Variants in STXBP3 observed in about 807,000 individuals in gnomAD.
The protein encoded by STXBP3 is syntaxin-binding protein 3.
Under a neutral mutation model 85.7 loss-of-function variants are expected in STXBP3, and 41 were observed. The observed-to-expected ratio is 0.48, with a 90% CI of 0.37 to 0.62. The LOEUF is 0.62. Ranked by LOEUF, STXBP3 falls within the 20% of genes least tolerant of loss-of-function variation. The probability of loss-of-function intolerance (pLI) is 0.00; values close to 1 mark genes in which losing one functional copy is unlikely to be tolerated. For missense variants in STXBP3, 563 were observed against 703.1 expected, an observed-to-expected ratio of 0.80 and a Z score of 2.25; for synonymous variants, 229 against 231.7, an observed-to-expected ratio of 0.99 and a Z score of 0.10.
intron 2 of STXBP3, 87 bp downstream of exon 2, chr1:108,752,393 A>G: frequency 8.0e-7 from 1 of 1,254,856 alleles, no homozygotes; most frequent in South Asian, 1.4e-5. Context: ...TTTACATGGT[A>G]TTAGGTATTC....
intron 7 of STXBP3, among the ~76,000 whole-genome samples, chr1:108,773,690 G>T (rs1056772701): frequency 7.2e-5 from 11 of 151,954 alleles, no homozygotes; most frequent in African/African-American, 2.7e-4. Context: ...ACACTCACTC[G>T]ACTGGGACAA....
At position 108,760,019 on chromosome 1, in the gene STXBP3, T is replaced by C. The variant is rs750707647; in HGVS notation, c.372T>C (p.Ala124=). 2 of 1,580,056 alleles carry C rather than the reference T, an allele frequency of 1.3e-6. No homozygotes were observed. The highest frequency in any genetic ancestry group is 3.8e-5 in the Admixed American group (2 of 52,532). Residue 124 remains alanine, a synonymous_variant, in exon 6 of 19, where the codon GCT becomes GCC. Coordinates refer to ENST00000370008, the MANE Select transcript of STXBP3 (RefSeq NM_007269.4). The stretch of plus-strand genomic sequence containing the variant: ...ATAATCTCTTTAACAAAATTAAGGC[T>C]TCTTGCTCCAAGTCAATAAGAAGAT... ...CPDNLFNKIK[A]SCSKSIRRCK...
chr1:108,776,292 TGAAA>T, intron 7 of STXBP3, 37 bp from the exon 8 acceptor site: 1 of 1,421,586 alleles, frequency 7.0e-7, no homozygotes, highest in Non-Finnish European at 9.7e-7. Flanking sequence ...AAGTATACAC[TGAAA>T]GAAAGATAAT....
intron 12 of STXBP3, 115 bp downstream of exon 12, chr1:108,793,762 C>T: frequency 1.3e-6 from 1 of 782,582 alleles, no homozygotes; most frequent in Non-Finnish European, 2.0e-6. Flanking sequence ...GTTATTTGTC[C>T]TCTAAAACCT....
chr1:108,763,067 A>AT (rs1208048459), intron 6 of STXBP3, among the ~76,000 whole-genome samples: 4 of 152,242 alleles, frequency 2.6e-5, no homozygotes, highest in Non-Finnish European at 4.4e-5. Context: ...ATAAAAGAAT[A>AT]TTTGCACAAG....
intron 1 of STXBP3, among the ~76,000 whole-genome samples, chr1:108,747,110 G>GCCGCGCTCCCCACTCCTCCGCTCCTGT (rs1553194444): frequency 2.7e-5 from 4 of 147,394 alleles, no homozygotes; most frequent in Non-Finnish European, 6.0e-5. Context: ...CGTGCCCTCG[G>GCCGCGCTCCCCACTCCTCCGCTCCTGT]CCGCGCTCCC....
chr1:108,771,591 TATCA>T (rs1195558611), intron 6 of STXBP3, among the ~76,000 whole-genome samples: 8 of 74,412 alleles, frequency 1.1e-4, no homozygotes, highest in Non-Finnish European at 1.6e-4. Context: ...TATCTATATA[TATCA>T]TATATAAATA....
intron 11 of STXBP3, among the ~76,000 whole-genome samples, chr1:108,784,690 A>G (rs530220903): frequency 3.7e-4 from 56 of 151,584 alleles, no homozygotes; most frequent in African/African-American, 1.3e-3. Context: ...CAAAAGTCCA[A>G]GTCCAGAGTT....
chr1:108,807,323 CT>C, intron 17 of STXBP3, 77 bp from the exon 18 acceptor site: 1 of 1,325,984 alleles, frequency 7.5e-7, no homozygotes, highest in Non-Finnish European at 1.0e-6. Flanking sequence ...TTGAGTTAGG[CT>C]TTTTAAGTCT....
In STXBP3 at chr1:108,799,904, C is replaced by G. The variant is rs545955597; in HGVS notation, c.1450-316C>G. Among the ~76,000 whole-genome samples, 60 of 152,064 alleles carry G rather than the reference C, an allele frequency of 3.9e-4. 1 individual carries two copies. The Middle Eastern group carries it at 0.01, about 26-fold the overall frequency. On this transcript the variant is annotated intron_variant, in intron 16 of 18. Transcript: ENST00000370008. Reference sequence around the variant, plus strand: ...AGGGCAAAGCTTTAGAAGTGTGTCACGACTGGAATAATGATTAGAGACCCC... The same window carrying G: ...AGGGCAAAGCTTTAGAAGTGTGTCAGGACTGGAATAATGATTAGAGACCCC...
chr1:108,799,316 T>G (rs763318284), intron 16 of STXBP3, among the ~76,000 whole-genome samples: 3 of 152,240 alleles, frequency 2.0e-5, no homozygotes, highest in Non-Finnish European at 4.4e-5. Context: ...GATATAGAAC[T>G]AAGTAGTTTC....
chr1:108,808,837 A>G lies in STXBP3; in HGVS notation c.1739A>G (p.Asn580Ser), dbSNP rs1398912005. The G allele has an allele frequency of 6.2e-7, 1 of 1,613,174 alleles. No individual in the cohort carries two copies. The highest frequency in any genetic ancestry group is 8.5e-7 in the Non-Finnish European group (1 of 1,179,716). Residue 580 changes from asparagine to serine, a missense_variant, in exon 19 of 19, where the codon AAT becomes AGT. Around this residue, in one of 3 missense-constraint regions of STXBP3, gnomAD observed 494 missense variants for 592.8 expected, o/e 0.83. Coordinates refer to ENST00000370008, the MANE Select transcript of STXBP3 (RefSeq NM_007269.4). Reference sequence around the variant, plus strand: ...CTGTTGGATGATATAAAGATGCTGAATAAACCCAAGGATAAAGTCTCCTTA... The same window carrying G: ...CTGTTGGATGATATAAAGATGCTGAGTAAACCCAAGGATAAAGTCTCCTTA... The part of the protein sequence containing the change: ...KKLLDDIKML[N>S]KPKDKVSLIK...
intron 9 of STXBP3, chr1:108,780,396 G>A (rs1435709398): frequency 6.6e-6 from 1 of 151,904 alleles, no homozygotes; most frequent in Non-Finnish European, 1.5e-5. Context: ...TACCCTGTAG[G>A]TCTCTAAACT....
At chr1:108,791,613 TG>T (rs1403818664) in intron 11 of STXBP3, among the ~76,000 whole-genome samples, 1 of 152,104 alleles carries the variant, frequency 6.6e-6, no homozygotes, top group Non-Finnish European at 1.5e-5. Context: ...TGTCTTCTGT[TG>T]TATTCAGTCT....
intron 17 of STXBP3, among the ~76,000 whole-genome samples, chr1:108,805,667 C>T (rs760429016): frequency 4.6e-5 from 7 of 152,200 alleles, no homozygotes; most frequent in Non-Finnish European, 8.8e-5. Context: ...TCATGATCCG[C>T]CCACCTCGGC....
At chr1:108,808,247 C>T (rs1409126477) in intron 18 of STXBP3, among the ~76,000 whole-genome samples, 1 of 152,166 alleles carries the variant, frequency 6.6e-6, no homozygotes, top group Non-Finnish European at 1.5e-5. Context: ...GCTAGTGGCT[C>T]AGGCCTGTAA....
chr1:108,806,282 T>C (rs1310435653), intron 17 of STXBP3, among the ~76,000 whole-genome samples: 3 of 152,114 alleles, frequency 2.0e-5, no homozygotes, highest in African/African-American at 7.2e-5. Flanking sequence ...ACATGTGGCT[T>C]TTGGGTACTG....
At chr1:108,775,064 TTTAATTTATTGTACAA>T (rs1553196893) in intron 7 of STXBP3, among the ~76,000 whole-genome samples, 5 of 152,098 alleles carry the variant, frequency 3.3e-5, no homozygotes, top group South Asian at 2.1e-4. Flanking sequence ...GTACAAAGAG[TTTAATTTATTGTACAA>T]TTAATTTATT....
At chr1:108,771,664 C>T (rs1419579139) in intron 6 of STXBP3, among the ~76,000 whole-genome samples, 9 of 4,178 alleles carry the variant, frequency 2.2e-3, no homozygotes, top group Admixed American at 9.1e-3. Context: ...CTATATATAT[C>T]ATATATAAAT....
Sources: gnomAD v4.1 joint callset for allele counts (sites outside exome capture counted in the v4.1 genomes callset) on GRCh38, gnomAD v4.1.1 for gene constraint, gnomAD v4.1.1 regional missense constraint, MANE v1.5 for transcripts, NCBI Gene and HGNC (gene_info 2026-07-23, HGNC 2026-07-21) for gene names.